MTOR: variants seen among roughly 807,000 people sequenced by gnomAD.
The protein encoded by MTOR is mechanistic target of rapamycin kinase.
In MTOR, 70 loss-of-function variants were observed where a neutral mutation model predicts 319.8. The ratio of observed to expected loss-of-function variants is 0.22; its 90% CI spans 0.18 to 0.27. The LOEUF (loss-of-function observed/expected upper bound fraction) is 0.27, where lower values mean the gene tolerates loss of function less well. Among genes scored for constraint, MTOR ranks in the 10% least tolerant of loss-of-function variants. MTOR has a pLI of 1.00. For missense variants in MTOR, 1,890 were observed against 3,274.4 expected (o/e 0.58, Z 10.32); for synonymous variants, 1,183 against 1,211.4 (o/e 0.98, Z 0.49).
At chr1:11,192,748 TAA>T (rs56996673) in intron 28 of MTOR, among the ~76,000 whole-genome samples, 11,520 of 119,178 alleles carry the variant, frequency 0.097, 807 homozygotes, top group African/African-American at 0.2. Flanking sequence ...CCATTTCAAT[TAA>T]AAAAAAAAAA....
At chr1:11,244,349 A>G (rs1648526565) in intron 8 of MTOR, among the ~76,000 whole-genome samples, 1 of 148,048 alleles carries the variant, frequency 6.8e-6, no homozygotes. Flanking sequence ...AAACCAGTAC[A>G]GGGTCGGGCG....
At chr1:11,216,820 A>G (rs1467638939) in intron 19 of MTOR, among the ~76,000 whole-genome samples, 1 of 152,144 alleles carries the variant, frequency 6.6e-6, no homozygotes, top group African/African-American at 2.4e-5. Flanking sequence ...GAAAATGGAG[A>G]TAATAATACT....
intron 49 of MTOR, among the ~76,000 whole-genome samples, chr1:11,119,265 T>C (rs1424520366): frequency 1.3e-5 from 2 of 151,460 alleles, no homozygotes; most frequent in Admixed American, 1.3e-4. Context: ...ACCCTGTCTC[T>C]ACTAAAAATA....
At position 11,144,729 on chromosome 1, in the gene MTOR, G is replaced by T. The variant is rs149459628; in HGVS notation, c.4791C>A (p.Ser1597=). 1 of 1,613,504 alleles carries T rather than the reference G, an allele frequency of 6.2e-7. No homozygotes were observed. The highest frequency in any genetic ancestry group is 8.5e-7 in the Non-Finnish European group (1 of 1,180,006). ...YGAMVSCHML[S]ELEEVIQYKL... is the part of the protein sequence containing the mutation. ...TGTACTGGATAACCTCCTCCAGCTC[G>T]GACAGCATGTGGCAAGAAACCATGG... The change falls in exon 34 of 58, where the codon TCC becomes TCA. Residue 1597 remains serine (S), a synonymous_variant. Coordinates refer to ENST00000361445, the MANE Select transcript of MTOR (RefSeq NM_004958.4).
At chr1:11,252,695 A>C (rs1163259552) in intron 6 of MTOR, among the ~76,000 whole-genome samples, 1 of 152,208 alleles carries the variant, frequency 6.6e-6, no homozygotes, top group African/African-American at 2.4e-5. Context: ...CTATTATCTA[A>C]CAAGCACTGT....
Position 11,243,148 on chromosome 1 carries a change from G to C in MTOR, c.1378C>G (p.Arg460Gly). The change falls in exon 9 of 58, where the codon CGA becomes GGA. Residue 460 changes from arginine (R) to glycine (G), a missense_variant. Coordinates refer to ENST00000361445, the MANE Select transcript of MTOR (RefSeq NM_004958.4). ...VYLPRVLDII[R>G]AALPPKDFAH... is the part of the protein sequence containing the mutation. Reference sequence around the variant, plus strand: ...AAGTCCTTTGGGGGCAGGGCCGCTCGGATGATGTCCAGCACGCGAGGCAAA... The same window carrying C: ...AAGTCCTTTGGGGGCAGGGCCGCTCCGATGATGTCCAGCACGCGAGGCAAA... 1 of 1,614,150 alleles carries C rather than the reference G, an allele frequency of 6.2e-7. No individual in the cohort carries two copies. The highest frequency in any genetic ancestry group is 8.5e-7 in the Non-Finnish European group (1 of 1,180,036).
At chr1:11,250,833 A>G (rs554602759) in intron 6 of MTOR, among the ~76,000 whole-genome samples, 1 of 152,104 alleles carries the variant, frequency 6.6e-6, no homozygotes, top group South Asian at 2.1e-4. Flanking sequence ...GTGAATGGCA[A>G]CTTCATCCTC....
Position 11,158,346 on chromosome 1 carries a change from C to G in MTOR, c.4330-1055G>C, listed in dbSNP as rs564613767. Among the ~76,000 whole-genome samples, 50 of 152,306 alleles carry G rather than the reference C, an allele frequency of 3.3e-4. No individual in the cohort carries two copies. In the South Asian group the frequency reaches 8.3e-3, roughly 25 times the overall value. ...GATGTTTGTGCAGTATGTAGACTAA[C>G]AACTACTCTGCTAAGCTGTCTAAAA... On this transcript the variant is annotated intron_variant, in intron 29 of 57. Transcript: ENST00000361445.
At chr1:11,242,076 G>A (rs1025603196) in intron 9 of MTOR, among the ~76,000 whole-genome samples, 1 of 151,906 alleles carries the variant, frequency 6.6e-6, no homozygotes, top group Non-Finnish European at 1.5e-5. Flanking sequence ...CTGGGCTTTA[G>A]AATGGGGCCA....
chr1:11,174,792 C>T (rs1315355700), intron 28 of MTOR, among the ~76,000 whole-genome samples: 1 of 152,138 alleles, frequency 6.6e-6, no homozygotes, highest in Admixed American at 6.5e-5. Context: ...ATAAACACCC[C>T]CTTGGGTGCC....
chr1:11,224,543 A>G (rs1045580262), intron 19 of MTOR, among the ~76,000 whole-genome samples: 1 of 152,220 alleles, frequency 6.6e-6, no homozygotes, highest in Admixed American at 6.5e-5. Flanking sequence ...GACACAAAAG[A>G]TTTGAACACA....
At chr1:11,241,476 T>C in intron 10 of MTOR, 77 bp downstream of exon 10, 1 of 1,507,492 alleles carries the variant, frequency 6.6e-7, no homozygotes, top group Non-Finnish European at 8.9e-7. Flanking sequence ...CAACCATGCC[T>C]CATTCTTTTA....
At chr1:11,139,025 A>G (rs1643563636) in intron 36 of MTOR, 1 of 372,916 alleles carries the variant, frequency 2.7e-6, no homozygotes, top group Non-Finnish European at 4.8e-6. Flanking sequence ...TTAGGGGTAG[A>G]AAGTGTGCCC....
intron 8 of MTOR, among the ~76,000 whole-genome samples, chr1:11,245,345 C>T (rs1376569139): frequency 6.6e-6 from 1 of 152,208 alleles, no homozygotes; most frequent in Non-Finnish European, 1.5e-5. Flanking sequence ...GGGAAAACCA[C>T]ACATCCCTTA....
chr1:11,114,260 G>A, intron 53 of MTOR, 58 bp downstream of exon 53: 1 of 1,595,912 alleles, frequency 6.3e-7, no homozygotes, highest in Non-Finnish European at 8.6e-7. Context: ...CTCCCAAAAT[G>A]TTAGGATTAC....
At chr1:11,253,167 G>C (rs1649923311) in intron 6 of MTOR, among the ~76,000 whole-genome samples, 2 of 152,096 alleles carry the variant, frequency 1.3e-5, no homozygotes, top group Admixed American at 6.5e-5. Context: ...GTGCATTGTG[G>C]TCCGATGCTT....
chr1:11,241,864 T>C (rs1282987124), intron 9 of MTOR, among the ~76,000 whole-genome samples, 183 bp from the exon 10 acceptor site: 1 of 152,186 alleles, frequency 6.6e-6, no homozygotes, highest in Non-Finnish European at 1.5e-5. Context: ...GATTTGTACA[T>C]TTCTACAACA....
chr1:11,129,673 G>T lies in MTOR; in HGVS notation c.5714+65C>A. On this transcript the variant is annotated intron_variant, in intron 40 of 57. Coordinates refer to ENST00000361445, the MANE Select transcript of MTOR (RefSeq NM_004958.4). This position sits in a 1 kb window ranked among gnomAD's most constrained non-coding sequence, Gnocchi z 4.7. ...TCAGGAAGGGAAAGAGGACTTTTACGTGTGACTTCTAGGTCTTGCCATTAA... is the reference window on the plus strand; with the variant it reads ...TCAGGAAGGGAAAGAGGACTTTTACTTGTGACTTCTAGGTCTTGCCATTAA... 1.4e-6 allele frequency: 2 copies of T among 1,426,074 alleles called. No individual in the cohort carries two copies. Among genetic ancestry groups the T allele is most frequent in the South Asian group, 1.2e-5 (1 of 84,436 alleles). 88.3% of individuals were successfully genotyped at this position (1,426,074 alleles called of 1,614,324 possible).
At chr1:11,185,815 C>T (rs1484184998) in intron 28 of MTOR, among the ~76,000 whole-genome samples, 1 of 152,118 alleles carries the variant, frequency 6.6e-6, no homozygotes, top group Non-Finnish European at 1.5e-5. Flanking sequence ...GGCATGATGA[C>T]TCACACCTGT....
Sources: allele counts gnomAD v4.1 joint callset (sites outside exome capture counted in the v4.1 genomes callset), GRCh38; gene constraint gnomAD v4.1.1; non-coding constraint Gnocchi (gnomAD v3.1); transcripts MANE v1.5; gene names NCBI Gene and HGNC (gene_info 2026-07-23, HGNC 2026-07-21).